Variants in TAMM41 observed in about 807,000 individuals in gnomAD.
The protein encoded by TAMM41 is TAM41 mitochondrial translocator assembly and maintenance homolog, also known as phosphatidate cytidylyltransferase, mitochondrial.
In TAMM41, 36 loss-of-function variants were observed where a neutral mutation model predicts 44.1. The ratio of observed to expected loss-of-function variants is 0.82; its 90% CI spans 0.63 to 1.08. TAMM41 has a LOEUF of 1.08. TAMM41 is among the 50% of genes least tolerant of loss of function. TAMM41 has a pLI of 0.00. For synonymous variants in TAMM41, 164 were observed against 153.1 expected, an observed-to-expected ratio of 1.07 and a Z score of -0.53; for missense variants, 417 against 404.3, an observed-to-expected ratio of 1.03 and a Z score of -0.27.
At chr3:11,723,601 A>C in the TAMM41 span, among the ~76,000 whole-genome samples, 7 of 151,412 alleles carry the variant, frequency 4.6e-5, no homozygotes, top group African/African-American at 1.7e-4. Context: ...AAAAACAAAA[A>C]CAAAAAAAAA....
rs1450730877 is a variant in TAMM41 at position 11,846,852 on chromosome 3, G to A, written c.-216C>T. ...GAGAAGACGCAGCCCAGATAGGCTC[G>A]GGTGGGCGGCGGTCGCACAGGCAGA... is the stretch of plus-strand genomic sequence containing the variant. On this transcript the variant is annotated 5_prime_UTR_variant, in exon 1 of 8. Transcript: ENST00000455809. 4 of 590,692 alleles carry A rather than the reference G, an allele frequency of 6.8e-6. No individual in the cohort carries two copies. In the African/African-American group the frequency reaches 7.5e-5, roughly 11 times the overall value. The allele number at this position is 590,692 out of a possible 1,614,324, so 36.6% of individuals were successfully genotyped here. A position where few individuals can be genotyped will look rare whatever the true frequency, so the allele number is the denominator to read the frequency against.
chr3:11,791,308 C>T (rs1387031379), intron 7 of TAMM41, among the ~76,000 whole-genome samples: 1 of 152,124 alleles, frequency 6.6e-6, no homozygotes. Flanking sequence ...AGAGCTGGCC[C>T]CCTAGCACCC....
the TAMM41 span, among the ~76,000 whole-genome samples, chr3:11,751,490 C>T: frequency 1.5e-3 from 221 of 152,304 alleles, no homozygotes; most frequent in African/African-American, 4.9e-3. Context: ...CGGGAGGTAA[C>T]CCTGTTGTGT....
At chr3:11,819,341 T>C (rs572281863) in intron 4 of TAMM41, among the ~76,000 whole-genome samples, 118 of 152,316 alleles carry the variant, frequency 7.7e-4, no homozygotes, top group African/African-American at 2.6e-3. Context: ...CTCAGGTAGA[T>C]AGGATTCTAT....
chr3:11,754,202 G>T, the TAMM41 span, among the ~76,000 whole-genome samples: 1 of 151,866 alleles, frequency 6.6e-6, no homozygotes, highest in Non-Finnish European at 1.5e-5. Flanking sequence ...CAAAACTTGC[G>T]CAAAGCCACC....
At chr3:11,753,196 C>T in the TAMM41 span, among the ~76,000 whole-genome samples, 4 of 151,396 alleles carry the variant, frequency 2.6e-5, no homozygotes, top group African/African-American at 7.3e-5. Flanking sequence ...GAGTCAGAGG[C>T]GGGAGGATCA....
intron 5 of TAMM41, among the ~76,000 whole-genome samples, chr3:11,816,609 T>A (rs2078286978): frequency 6.6e-6 from 1 of 151,700 alleles, no homozygotes; most frequent in Admixed American, 6.6e-5. Context: ...ACAAAAAAAA[T>A]ACAAAAATTG....
rs551136151 is a variant in TAMM41 at position 11,809,163 on chromosome 3, T to A, written c.874+354A>T. The A allele has an allele frequency of 5.3e-4, 171 of 321,654 alleles. 1 individual carries two copies. The highest frequency in any genetic ancestry group is 2.0e-3 in the Middle Eastern group (2 of 978). 19.9% of individuals were successfully genotyped at this position (321,654 alleles called of 1,614,324 possible). A position where few individuals can be genotyped will look rare whatever the true frequency, so the allele number is the denominator to read the frequency against. On this transcript the variant is annotated intron_variant, in intron 6 of 7. Transcript: ENST00000455809. ...GAGGAAAGCTGTGTTCTCGATGTTA[T>A]AAAAGCACAAAAAAATGCCACCAAT...
rs1462547333 is a variant in TAMM41, at chr3:11,809,590, T to C, written c.801A>G (p.Gly267=). Residue 267 remains glycine (G), a synonymous_variant, in exon 6 of 8, where the codon GGA becomes GGG. Coordinates refer to ENST00000455809, the MANE Select transcript of TAMM41 (RefSeq NM_001284401.2). ...AAGTTTCTTCCACATCTCTGTTTTT[T>C]CCAGGAGGGTCCATAATATGATTTA... ...QQINHIMDPP[G]KNRDVEETLF... 6.2e-7 allele frequency: 1 copy of C among 1,614,186 alleles called. No individual in the cohort carries two copies. The highest frequency in any genetic ancestry group is 8.5e-7 in the Non-Finnish European group (1 of 1,180,026).
chr3:11,732,957 G>A, the TAMM41 span, among the ~76,000 whole-genome samples: 1 of 151,736 alleles, frequency 6.6e-6, no homozygotes, highest in East Asian at 1.9e-4. Flanking sequence ...AGCCACTTGA[G>A]GGAGTTTAGG....
chr3:11,727,792 T>A, the TAMM41 span, among the ~76,000 whole-genome samples: 3 of 150,640 alleles, frequency 2.0e-5, no homozygotes, highest in Non-Finnish European at 3.0e-5. Context: ...AATTTAATTT[T>A]TTTTTTTTTT....
chr3:11,763,103 G>A, the TAMM41 span, among the ~76,000 whole-genome samples: 1 of 152,154 alleles, frequency 6.6e-6, no homozygotes, highest in Non-Finnish European at 1.5e-5. Context: ...TGTAGACACA[G>A]ATTTCTCTTT....
At chr3:11,767,197 T>C in the TAMM41 span, among the ~76,000 whole-genome samples, 4 of 151,982 alleles carry the variant, frequency 2.6e-5, no homozygotes, top group Non-Finnish European at 5.9e-5. Context: ...GCCTCCCGAG[T>C]AGCTGGCACT....
At chr3:11,824,818 C>G (rs142730299) in intron 4 of TAMM41, among the ~76,000 whole-genome samples, 3 of 152,132 alleles carry the variant, frequency 2.0e-5, no homozygotes, top group African/African-American at 2.4e-5. Flanking sequence ...CAAAGATCAG[C>G]CAGCCAACCA....
the TAMM41 span, among the ~76,000 whole-genome samples, chr3:11,782,089 G>C: frequency 2.0e-5 from 3 of 152,238 alleles, no homozygotes; most frequent in African/African-American, 7.2e-5. Flanking sequence ...AGATCACCTG[G>C]ATACACATGG....
At chr3:11,753,866 G>A in the TAMM41 span, among the ~76,000 whole-genome samples, 738 of 152,296 alleles carry the variant, frequency 4.8e-3, 43 homozygotes, top group East Asian at 0.12. Context: ...GAAGAAGGAA[G>A]GGCAAGGGGC....
intron 6 of TAMM41, chr3:11,809,173 A>C: frequency 6.1e-6 from 2 of 329,356 alleles, no homozygotes; most frequent in Non-Finnish European, 1.1e-5. Flanking sequence ...TAAAAGCACA[A>C]AAAAATGCCA....
At chr3:11,824,199 AT>A (rs890025532) in intron 4 of TAMM41, among the ~76,000 whole-genome samples, 12 of 141,548 alleles carry the variant, frequency 8.5e-5, no homozygotes, top group South Asian at 2.3e-4. Flanking sequence ...ATTTGTAAAT[AT>A]TTTTTTTTTA....
the TAMM41 span, among the ~76,000 whole-genome samples, chr3:11,755,797 A>T: frequency 6.6e-6 from 1 of 152,042 alleles, no homozygotes; most frequent in Admixed American, 6.6e-5. Flanking sequence ...ACCGGCTCTT[A>T]CACTCCTTAG....
Sources: gnomAD v4.1 joint callset for allele counts (sites outside exome capture counted in the v4.1 genomes callset) on GRCh38, gnomAD v4.1.1 for gene constraint, MANE v1.5 for transcripts, NCBI Gene and HGNC (gene_info 2026-07-23, HGNC 2026-07-21) for gene names.